Variants in NCKAP5 observed in about 807,000 individuals in gnomAD.
NCKAP5 encodes the protein NCK associated protein 5, also known as nck-associated protein 5.
Under a neutral mutation model 167.0 loss-of-function variants are expected in NCKAP5, and 92 were observed. The ratio of observed to expected loss-of-function variants is 0.55; its 90% confidence interval spans 0.47 to 0.66. The LOEUF (loss-of-function observed/expected upper bound fraction) is 0.66. NCKAP5 is among the 30% of genes least tolerant of loss of function. The probability of loss-of-function intolerance (pLI) is 0.00; values close to 1 mark genes in which losing one functional copy is unlikely to be tolerated. For synonymous variants in NCKAP5, 891 were observed against 877.4 expected, an observed-to-expected ratio of 1.02 and a Z score of -0.27; for missense variants, 2,378 against 2,315.0, an observed-to-expected ratio of 1.03 and a Z score of -0.56.
chr2:133,507,024 C>T lies in NCKAP5; in HGVS notation c.69+10434G>A, dbSNP rs540750093. On this transcript the variant is annotated intron_variant, in intron 3 of 19. Transcript: ENST00000409261. Reference sequence around the variant, plus strand: ...TGCCTCAGGGACCTACCAAACTGGGCCCAGGAGATCTCCACATAGCTACCT... The same window carrying T: ...TGCCTCAGGGACCTACCAAACTGGGTCCAGGAGATCTCCACATAGCTACCT... Among the ~76,000 whole-genome samples the T allele has an allele frequency of 2.0e-4, 31 of 152,192 alleles. No homozygotes were observed. The East Asian group carries it at 5.2e-3, about 26-fold the overall frequency.
intron 11 of NCKAP5, among the ~76,000 whole-genome samples, chr2:132,848,684 C>T (rs576607397): frequency 5.3e-5 from 8 of 152,142 alleles, no homozygotes; most frequent in Admixed American, 1.3e-4. Context: ...GCCTGCTGTG[C>T]GTGGTGTGCA....
At chr2:132,837,438 T>C (rs1574377704) in intron 11 of NCKAP5, among the ~76,000 whole-genome samples, 6 of 152,286 alleles carry the variant, frequency 3.9e-5, no homozygotes, top group African/African-American at 1.4e-4. Flanking sequence ...TTTTTTAACT[T>C]ACTGGGAAAT....
chr2:133,467,336 A>T (rs1197705427), intron 3 of NCKAP5, among the ~76,000 whole-genome samples: 1 of 152,204 alleles, frequency 6.6e-6, no homozygotes, highest in Non-Finnish European at 1.5e-5. Flanking sequence ...ATATTGAACC[A>T]GACTTGCATC....
intron 6 of NCKAP5, among the ~76,000 whole-genome samples, chr2:133,113,499 G>C (rs573892974): frequency 7.9e-5 from 12 of 152,316 alleles, no homozygotes; most frequent in Middle Eastern, 3.4e-3. Flanking sequence ...AAAATGCCAA[G>C]CTCCAGGTCC....
intron 19 of NCKAP5, among the ~76,000 whole-genome samples, chr2:132,723,140 A>ATTTTTTTTTTTTTTTTTTTT: frequency 1.1e-5 from 1 of 93,436 alleles, no homozygotes; most frequent in Non-Finnish European, 2.0e-5. Flanking sequence ...GCCAGGTGGT[A>ATTTTTTTTTTTTTTTTTTTT]TTTTTTTTTT....
At chr2:132,683,059 T>A (rs1416357904) in intron 19 of NCKAP5, among the ~76,000 whole-genome samples, 3 of 151,894 alleles carry the variant, frequency 2.0e-5, no homozygotes, top group African/African-American at 7.3e-5. Context: ...AATTTTTGTA[T>A]TTTTAGTAGA....
intron 7 of NCKAP5, among the ~76,000 whole-genome samples, chr2:132,979,414 C>T (rs937648190): frequency 5.3e-5 from 8 of 152,118 alleles, no homozygotes; most frequent in African/African-American, 1.9e-4. Context: ...CAGGGCCCAC[C>T]CCATGCCCTA....
At chr2:133,469,080 T>C (rs952913653) in intron 3 of NCKAP5, among the ~76,000 whole-genome samples, 3 of 152,126 alleles carry the variant, frequency 2.0e-5, no homozygotes, top group Admixed American at 6.5e-5. Flanking sequence ...TTTTGCTCAT[T>C]AGTTGATGCA....
intron 6 of NCKAP5, among the ~76,000 whole-genome samples, chr2:133,036,901 A>T (rs1283975161): frequency 6.6e-6 from 1 of 152,078 alleles, no homozygotes; most frequent in African/African-American, 2.4e-5. Flanking sequence ...AGATGATATG[A>T]TCTTATATTT....
rs1270213688 is a variant in NCKAP5, at chr2:133,162,627, A to T, written c.208-32516T>A. 3.3e-5 allele frequency among the ~76,000 whole-genome samples: 5 copies of T among 152,184 alleles called. No individual in the cohort carries two copies. In the East Asian group the frequency reaches 9.6e-4, roughly 29 times the overall value. The stretch of plus-strand genomic sequence containing the variant: ...ACTTGGATCAATCTTCACATTCTAT[A>T]ATCCATTTTTACTCTTAAGGAAAAA... On this transcript the variant is annotated intron_variant, in intron 5 of 19. Transcript: ENST00000409261.
intron 19 of NCKAP5, among the ~76,000 whole-genome samples, chr2:132,700,993 G>T (rs943677070): frequency 6.6e-6 from 1 of 151,620 alleles, no homozygotes; most frequent in African/African-American, 2.4e-5. Context: ...TGATTTAATC[G>T]GTCTAGAATT....
At chr2:133,201,791 A>G (rs1264174756) in intron 5 of NCKAP5, among the ~76,000 whole-genome samples, 1 of 152,182 alleles carries the variant, frequency 6.6e-6, no homozygotes, top group African/African-American at 2.4e-5. Context: ...ACACAGAGAC[A>G]TAGAAGGCCA....
At chr2:133,237,062 G>A (rs768977967) in intron 4 of NCKAP5, among the ~76,000 whole-genome samples, 7 of 151,268 alleles carry the variant, frequency 4.6e-5, no homozygotes, top group African/African-American at 1.7e-4. Context: ...AAAAAAGAGC[G>A]AAATCTCTGT....
intron 5 of NCKAP5, among the ~76,000 whole-genome samples, chr2:133,152,245 CA>C (rs1196885126): frequency 1.3e-5 from 2 of 152,128 alleles, no homozygotes; most frequent in Non-Finnish European, 2.9e-5. Flanking sequence ...ACAATCTCGA[CA>C]AAGTTAGGGA....
intron 6 of NCKAP5, among the ~76,000 whole-genome samples, chr2:133,084,684 A>G (rs918860298): frequency 6.6e-6 from 1 of 152,152 alleles, no homozygotes; most frequent in Non-Finnish European, 1.5e-5. Context: ...ACTGAAATAA[A>G]CTTCATACAT....
At chr2:133,115,786 TATATATA>T (rs1452349447) in intron 6 of NCKAP5, among the ~76,000 whole-genome samples, 15 of 80,748 alleles carry the variant, frequency 1.9e-4, no homozygotes, top group South Asian at 3.8e-4. Context: ...TATATATATA[TATATATA>T]TATATATATA....
intron 4 of NCKAP5, among the ~76,000 whole-genome samples, chr2:133,219,808 A>G (rs963870819): frequency 1.1e-4 from 17 of 152,104 alleles, no homozygotes; most frequent in African/African-American, 3.9e-4. Context: ...AGTTCTTGAC[A>G]TGGTAAAAAC....
At chr2:132,857,677 A>G (rs1001132058) in intron 11 of NCKAP5, among the ~76,000 whole-genome samples, 5 of 152,206 alleles carry the variant, frequency 3.3e-5, no homozygotes, top group Non-Finnish European at 5.9e-5. Context: ...GTTGATTTTA[A>G]TATGGAGGGG....
Position 133,245,609 on chromosome 2 carries a change from G to A in NCKAP5, c.144-31830C>T, listed in dbSNP as rs80243589. Among the ~76,000 whole-genome samples, 536 of 152,076 alleles carry A rather than the reference G, an allele frequency of 3.5e-3. 7 individuals carry two copies. Among genetic ancestry groups the A allele is most frequent in the African/African-American group, 0.012 (509 of 41,474 alleles). ...TAACACTTGATTTGTGTGCTCTTCC[G>A]TATGTATGTTACACCTCAATAAATT... On this transcript the variant is annotated intron_variant, in intron 4 of 19. Transcript: ENST00000409261.
Sources: allele counts gnomAD v4.1 joint callset (sites outside exome capture counted in the v4.1 genomes callset), GRCh38; gene constraint gnomAD v4.1.1; transcripts MANE v1.5; gene names NCBI Gene and HGNC (gene_info 2026-07-23, HGNC 2026-07-21).